Variants in EXD3 observed in about 807,000 individuals in gnomAD.
The protein encoded by EXD3 is exonuclease mut-7 homolog.
A neutral mutation model predicts 98.0 loss-of-function variants in EXD3; 92 were observed. The ratio of observed to expected loss-of-function variants is 0.94; its 90% CI spans 0.79 to 1.12. The LOEUF (loss-of-function observed/expected upper bound fraction) is 1.12, where lower values mean the gene tolerates loss of function less well. EXD3 is among the 50% of genes most tolerant of loss of function. EXD3 has a pLI of 0.00. For synonymous variants in EXD3, 569 were observed against 526.0 expected (o/e 1.08, Z -1.12); for missense variants, 1,222 against 1,191.6 (o/e 1.03, Z -0.38).
intron 19 of EXD3, among the ~76,000 whole-genome samples, chr9:137,312,961 C>T (rs1404323858): frequency 1.3e-5 from 2 of 152,198 alleles, no homozygotes; most frequent in African/African-American, 4.8e-5. Flanking sequence ...CTGCCCCAGG[C>T]TGCAGGCCTG....
chr9:137,333,044 A>G lies in EXD3; in HGVS notation c.1999-8901T>C, dbSNP rs563480620. 2.0e-5 allele frequency among the ~76,000 whole-genome samples: 3 copies of G among 152,288 alleles called. No individual in the cohort carries two copies. In the East Asian group the frequency reaches 5.8e-4, roughly 29 times the overall value. ...GACCCACCCTCAGTGGGCACCGTCT[A>G]ATCAGCTGCCAGTACGGCTAGAATA... is the stretch of plus-strand genomic sequence containing the variant. On this transcript the variant is annotated intron_variant, in intron 17 of 21. Transcript: ENST00000340951.
chr9:137,393,033 T>C lies in EXD3; in HGVS notation c.55+2270A>G, dbSNP rs558894119. 108 of 548,806 alleles carry C rather than the reference T, an allele frequency of 2.0e-4. 3 individuals carry two copies. The highest frequency in any genetic ancestry group is 1.8e-3 in the South Asian group (107 of 60,180). The allele number at this position is 548,806 out of a possible 1,614,324, so 34.0% of individuals were successfully genotyped here. Reference sequence around the variant, plus strand: ...GCCGTGTCTGTTCCAGGGAGGGCCATTAGTGTTCCAGGGGGTGCTGAGGCT... The same window carrying C: ...GCCGTGTCTGTTCCAGGGAGGGCCACTAGTGTTCCAGGGGGTGCTGAGGCT... On this transcript the variant is annotated intron_variant, in intron 2 of 21. Coordinates refer to ENST00000340951, the MANE Select transcript of EXD3 (RefSeq NM_017820.5). This position sits in a 1 kb window ranked among gnomAD's most constrained non-coding sequence, Gnocchi z 4.6.
chr9:137,391,557 G>A (rs1001544101), intron 2 of EXD3, among the ~76,000 whole-genome samples: 1 of 151,834 alleles, frequency 6.6e-6, no homozygotes, highest in East Asian at 1.9e-4. Context: ...CCAGAGGGCC[G>A]GCCTCCCCGC....
At chr9:137,386,090 G>A (rs1286788252) in intron 2 of EXD3, among the ~76,000 whole-genome samples, 1 of 152,050 alleles carries the variant, frequency 6.6e-6, no homozygotes, top group Non-Finnish European at 1.5e-5. Context: ...GAGCCCTGGA[G>A]TTTGAGACCA....
chr9:137,318,614 C>A (rs1831847117), intron 19 of EXD3, among the ~76,000 whole-genome samples: 1 of 152,098 alleles, frequency 6.6e-6, no homozygotes, highest in South Asian at 2.1e-4. Context: ...GGAACGTTCC[C>A]CACCCCCACC....
At chr9:137,394,006 C>T (rs1427135439) in intron 2 of EXD3, among the ~76,000 whole-genome samples, 4 of 152,164 alleles carry the variant, frequency 2.6e-5, no homozygotes, top group Non-Finnish European at 5.9e-5. Flanking sequence ...CCACTGGGGC[C>T]GAGCCCCTGC....
At position 137,354,578 on chromosome 9, in the gene EXD3, G is replaced by A. The variant is rs760117434; in HGVS notation, c.831+122C>T. ...CTGGCCCAGCTCACCCAGCTCTGGG[G>A]CAAGAAGCAGCTCCTACTTGATATG... On this transcript the variant is annotated intron_variant, in intron 9 of 21. Coordinates refer to ENST00000340951, the MANE Select transcript of EXD3 (RefSeq NM_017820.5). 6 of 1,544,516 alleles carry A rather than the reference G, an allele frequency of 3.9e-6. No individual in the cohort carries two copies. In the Admixed American group the frequency reaches 7.8e-5, roughly 20 times the overall value.
At chr9:137,369,262 GGGGCCACCACAT>G (rs967520263) in intron 5 of EXD3, among the ~76,000 whole-genome samples, 1 of 152,068 alleles carries the variant, frequency 6.6e-6, no homozygotes, top group Non-Finnish European at 1.5e-5. Flanking sequence ...CATGGGCGCA[GGGGCCACCACAT>G]GGGGACCACC....
At chr9:137,363,335 C>CTTTTT (rs71387828) in intron 7 of EXD3, among the ~76,000 whole-genome samples, 1 of 81,192 alleles carries the variant, frequency 1.2e-5, no homozygotes, top group Non-Finnish European at 2.2e-5. Context: ...GTGCAATTTC[C>CTTTTT]TTTTTTTTTT....
At chr9:137,374,465 C>T (rs1038025587) in intron 3 of EXD3, 33 of 728,630 alleles carry the variant, frequency 4.5e-5, no homozygotes, top group South Asian at 6.2e-5. Context: ...GTGCTCTCCA[C>T]GGGGCTCCAG....
At chr9:137,308,796 C>A (rs375883921) in intron 20 of EXD3, among the ~76,000 whole-genome samples, 1 of 151,976 alleles carries the variant, frequency 6.6e-6, no homozygotes, top group Non-Finnish European at 1.5e-5. Flanking sequence ...GCCACCACAC[C>A]CGGCTAATTT....
At chr9:137,362,124 GAAA>G (rs1835023334) in intron 7 of EXD3, among the ~76,000 whole-genome samples, 1 of 152,108 alleles carries the variant, frequency 6.6e-6, no homozygotes, top group South Asian at 2.1e-4. Context: ...AGTTTTCCCA[GAAA>G]ATGGAAAGGC....
intron 17 of EXD3, among the ~76,000 whole-genome samples, chr9:137,327,290 C>T (rs893235550): frequency 2.0e-5 from 3 of 152,074 alleles, no homozygotes; most frequent in East Asian, 1.9e-4. Flanking sequence ...CCCTCCACCA[C>T]GGCCCGCTGA....
At chr9:137,323,942 G>A (rs1832238820) in intron 18 of EXD3, 86 bp from the exon 19 acceptor site, 2 of 1,534,758 alleles carry the variant, frequency 1.3e-6, no homozygotes, top group East Asian at 4.9e-5. Flanking sequence ...GCATGGGGCA[G>A]GAGCCTTCTC....
At chr9:137,322,157 C>T (rs1437718124) in intron 19 of EXD3, among the ~76,000 whole-genome samples, 1 of 152,180 alleles carries the variant, frequency 6.6e-6, no homozygotes, top group East Asian at 1.9e-4. Flanking sequence ...GGCTGTCCTG[C>T]GTGTTGCCTT....
In EXD3 at chr9:137,393,572, G is replaced by A. The variant is rs78324955; in HGVS notation, c.55+1731C>T. Among the ~76,000 whole-genome samples, 11,795 of 152,274 alleles carry A rather than the reference G, an allele frequency of 0.077. 465 individuals carry two copies. Among genetic ancestry groups the A allele is most frequent in the Non-Finnish European group, 0.082 (5,550 of 68,010 alleles). On this transcript the variant is annotated intron_variant, in intron 2 of 21. Coordinates refer to ENST00000340951, the MANE Select transcript of EXD3 (RefSeq NM_017820.5). The surrounding 1 kb of genome is among the most constrained non-coding windows in gnomAD (Gnocchi z 4.6). Reference sequence around the variant, plus strand: ...CTACATCAGGGAAGGCGACATGCCCGGAGGTGCCCCCACAGCCCTCAGCAC... The same window carrying A: ...CTACATCAGGGAAGGCGACATGCCCAGAGGTGCCCCCACAGCCCTCAGCAC...
intron 19 of EXD3, among the ~76,000 whole-genome samples, chr9:137,313,051 C>T (rs938497556): frequency 6.6e-6 from 1 of 152,182 alleles, no homozygotes; most frequent in Non-Finnish European, 1.5e-5. Context: ...CGCTCCCAGG[C>T]AGACAGGACT....
intron 6 of EXD3, among the ~76,000 whole-genome samples, chr9:137,366,975 G>A (rs186695744): frequency 6.6e-6 from 1 of 152,370 alleles, no homozygotes; most frequent in Non-Finnish European, 1.5e-5. Flanking sequence ...CGTGGCACAT[G>A]GTACCAGCAC....
At chr9:137,421,863 A>G (rs1838533451) in intron 1 of EXD3, among the ~76,000 whole-genome samples, 1 of 151,744 alleles carries the variant, frequency 6.6e-6, no homozygotes, top group Non-Finnish European at 1.5e-5. Context: ...ATAAAAAGAA[A>G]GAAGAACATG....
Sources: gnomAD v4.1 joint callset for allele counts (sites outside exome capture counted in the v4.1 genomes callset) on GRCh38, gnomAD v4.1.1 for gene constraint, Gnocchi (gnomAD v3.1) non-coding constraint, MANE v1.5 for transcripts, NCBI Gene and HGNC (gene_info 2026-07-23, HGNC 2026-07-21) for gene names.